Variants in ZNF420 observed in about 807,000 individuals in gnomAD.
The protein encoded by ZNF420 is ATM and p53-associated KZNF protein.
ZNF420 carries 31 observed loss-of-function variants against 44.7 expected under a neutral mutation model. That is an observed-to-expected ratio of 0.69 (90% CI 0.52 to 0.94). The LOEUF is 0.94. Ranked by LOEUF, ZNF420 falls within the 40% of genes least tolerant of loss-of-function variation. ZNF420 has a pLI of 0.00. For missense variants in ZNF420, 681 were observed against 827.9 expected, an observed-to-expected ratio of 0.82 and a Z score of 2.18; for synonymous variants, 245 against 267.4, an observed-to-expected ratio of 0.92 and a Z score of 0.82.
chr19:37,057,431 ATGTC>A (rs56286437), intron 1 of ZNF420, among the ~76,000 whole-genome samples: 75,767 of 151,126 alleles, frequency 0.5, 19,558 homozygotes, highest in African/African-American at 0.57. Context: ...CCACTGCTGT[ATGTC>A]TGTGTGTGTG....
chr19:37,086,316 C>G (rs941500860), intron 2 of ZNF420, among the ~76,000 whole-genome samples: 2 of 152,096 alleles, frequency 1.3e-5, no homozygotes, highest in African/African-American at 4.8e-5. Context: ...GGGAGTGAAA[C>G]AGTGGAGTAC....
chr19:37,127,508 G>A lies in ZNF420; in HGVS notation c.517G>A (p.Gly173Arg), dbSNP rs766052912. ...AAAACCCTATGAATGTAAGCAATGC[G>A]GGAAGGCCTTTAGTCGTGATTCACA... ...GEKPYECKQC[G>R]KAFSRDSQLS... is the part of the protein sequence containing the mutation. The change falls in exon 5 of 5, where the codon GGG (glycine) becomes AGG (arginine). Residue 173 changes from glycine to arginine, a missense_variant. Physicochemically the swap from Gly to Arg is moderately radical, Grantham distance 125. Around this residue, in one of 3 missense-constraint regions of ZNF420, gnomAD observed 350 missense variants for 382.5 expected, o/e 0.92. Coordinates refer to ENST00000337995, the MANE Select transcript of ZNF420 (RefSeq NM_144689.5). The A allele has an allele frequency of 1.6e-5, 26 of 1,613,680 alleles. No homozygotes were observed. In the Admixed American group the frequency reaches 1.8e-4, roughly 11 times the overall value.
chr19:37,060,074 G>A (rs1232400290), intron 1 of ZNF420, among the ~76,000 whole-genome samples: 1 of 152,040 alleles, frequency 6.6e-6, no homozygotes, highest in Non-Finnish European at 1.5e-5. Context: ...TTGCACTTCG[G>A]GTTTTTGAAG....
intron 1 of ZNF420, among the ~76,000 whole-genome samples, chr19:37,065,054 G>T (rs377653056): frequency 2.0e-5 from 3 of 152,220 alleles, no homozygotes; most frequent in African/African-American, 7.2e-5. Context: ...ATTGCATTAA[G>T]TACATGATTT....
chr19:37,012,311 C>T (rs1384463270), intron 1 of ZNF420, among the ~76,000 whole-genome samples: 3 of 152,238 alleles, frequency 2.0e-5, no homozygotes, highest in Admixed American at 6.5e-5. Flanking sequence ...GAGCGGAGCG[C>T]GAGTCGGCCT....
intron 1 of ZNF420, among the ~76,000 whole-genome samples, chr19:37,030,176 G>GTTGTTT (rs1715720337): frequency 6.6e-6 from 1 of 151,494 alleles, no homozygotes. Flanking sequence ...TGTTGTTGTT[G>GTTGTTT]TTTGAGAGGG....
At chr19:37,040,741 G>T (rs1018518559) in intron 1 of ZNF420, among the ~76,000 whole-genome samples, 1 of 152,120 alleles carries the variant, frequency 6.6e-6, no homozygotes, top group Non-Finnish European at 1.5e-5. Context: ...ACAAATTAAA[G>T]TTGCAGGGAA....
chr19:37,051,133 T>C (rs1355818435), intron 1 of ZNF420, among the ~76,000 whole-genome samples: 5 of 152,228 alleles, frequency 3.3e-5, no homozygotes, highest in Admixed American at 1.3e-4. Flanking sequence ...CAGTATTTCA[T>C]TGAGGATTTT....
At chr19:37,123,109 C>T (rs1013737122) in intron 4 of ZNF420, among the ~76,000 whole-genome samples, 1 of 152,140 alleles carries the variant, frequency 6.6e-6, no homozygotes, top group African/African-American at 2.4e-5. Context: ...ACCAACAAAT[C>T]CTCTGTAGTA....
chr19:37,020,872 G>A (rs1295479999), intron 1 of ZNF420, among the ~76,000 whole-genome samples: 1 of 152,148 alleles, frequency 6.6e-6, no homozygotes, highest in Non-Finnish European at 1.5e-5. Context: ...ATGGTGGTTG[G>A]CAGGGGTTGG....
At chr19:37,091,256 A>C in intron 4 of ZNF420, 135 bp downstream of exon 4, 1 of 935,190 alleles carries the variant, frequency 1.1e-6, no homozygotes, top group Non-Finnish European at 1.5e-6. Context: ...AAATTACTGG[A>C]AGTAGACATG....
chr19:37,107,216 AC>A (rs1325723505), intron 4 of ZNF420: 2 of 151,954 alleles, frequency 1.3e-5, no homozygotes, highest in African/African-American at 4.8e-5. Context: ...GTCAGGTCTT[AC>A]CCTTCCCATG....
intron 1 of ZNF420, among the ~76,000 whole-genome samples, chr19:37,017,360 C>T (rs769661042): frequency 6.6e-6 from 1 of 152,158 alleles, no homozygotes; most frequent in Non-Finnish European, 1.5e-5. Context: ...AAAAGCCCCA[C>T]ACAAGTGGTA....
chr19:37,092,878 TCA>T (rs1254423032), intron 4 of ZNF420: 11 of 152,158 alleles, frequency 7.2e-5, no homozygotes, highest in Admixed American at 6.5e-4. Flanking sequence ...CAAATGTCCA[TCA>T]ACTAATGAAT....
At chr19:37,036,434 GAT>G (rs1456949117) in intron 1 of ZNF420, among the ~76,000 whole-genome samples, 1 of 152,112 alleles carries the variant, frequency 6.6e-6, no homozygotes, top group African/African-American at 2.4e-5. Context: ...TCCTGTCCCA[GAT>G]ATGTGTTGTT....
chr19:37,088,917 C>G, intron 2 of ZNF420, 122 bp from the exon 3 acceptor site: 2 of 592,202 alleles, frequency 3.4e-6, no homozygotes, highest in East Asian at 2.9e-5. Flanking sequence ...TGTCTGTCCC[C>G]CTTAGTGTGT....
intron 1 of ZNF420, among the ~76,000 whole-genome samples, chr19:37,033,369 T>A (rs1271973747): frequency 6.6e-6 from 1 of 152,162 alleles, no homozygotes; most frequent in African/African-American, 2.4e-5. Flanking sequence ...CCTTCATTAC[T>A]CTCTCCTCCC....
At chr19:37,088,121 A>G (rs144105660) in intron 2 of ZNF420, among the ~76,000 whole-genome samples, 12 of 152,360 alleles carry the variant, frequency 7.9e-5, no homozygotes, top group African/African-American at 2.9e-4. Context: ...CTGAATGAGT[A>G]TGGACGTATT....
In ZNF420 at chr19:37,117,844, G is replaced by A. The variant is rs532700741; in HGVS notation, c.137-9284G>A. Among the ~76,000 whole-genome samples the A allele has an allele frequency of 1.3e-3, 199 of 152,282 alleles. 3 individuals are homozygous for A. Among genetic ancestry groups the A allele is most frequent in the African/African-American group, 4.1e-3 (170 of 41,570 alleles). On this transcript the variant is annotated intron_variant, in intron 4 of 4. Transcript: ENST00000337995. ...GAAGAATGCAGAAGCCTCAGGAGCC[G>A]ACACGATCAACTGGAAGAAAGGGTA...
Sources: gnomAD v4.1 joint callset for allele counts (sites outside exome capture counted in the v4.1 genomes callset) on GRCh38, gnomAD v4.1.1 for gene constraint, gnomAD v4.1.1 regional missense constraint, MANE v1.5 for transcripts, NCBI Gene and HGNC (gene_info 2026-07-23, HGNC 2026-07-21) for gene names.